Variants in SUGCT observed in about 807,000 individuals in gnomAD.
SUGCT encodes the protein succinyl-CoA:glutarate-CoA transferase.
In SUGCT, 41 loss-of-function variants were observed where a neutral mutation model predicts 55.0. That is an observed-to-expected ratio of 0.74 (90% CI 0.58 to 0.97). The LOEUF (loss-of-function observed/expected upper bound fraction) is 0.97. Among genes scored for constraint, SUGCT ranks in the 50% least tolerant of loss-of-function variants. SUGCT has a pLI of 0.00. For synonymous variants in SUGCT, 187 were observed against 200.4 expected, an observed-to-expected ratio of 0.93 and a Z score of 0.56; for missense variants, 568 against 547.8, an observed-to-expected ratio of 1.04 and a Z score of -0.37.
intron 12 of SUGCT, among the ~76,000 whole-genome samples, chr7:40,518,815 G>C (rs1379402129): frequency 6.6e-6 from 1 of 151,862 alleles, no homozygotes; most frequent in African/African-American, 2.4e-5. Flanking sequence ...AATGGCCAAA[G>C]TTAGATCAAA....
intron 1 of SUGCT, among the ~76,000 whole-genome samples, chr7:40,143,687 G>T (rs1180562991): frequency 6.6e-6 from 1 of 152,180 alleles, no homozygotes; most frequent in African/African-American, 2.4e-5. Context: ...TTGTATGATA[G>T]CTATCTTGGT....
At chr7:40,402,718 C>T (rs1265054221) in intron 9 of SUGCT, among the ~76,000 whole-genome samples, 6 of 152,096 alleles carry the variant, frequency 3.9e-5, no homozygotes, top group Non-Finnish European at 5.9e-5. Flanking sequence ...TTCTGGAAAT[C>T]AAATGTCTGT....
At chr7:40,889,573 T>C in the SUGCT span, among the ~76,000 whole-genome samples, 1 of 152,148 alleles carries the variant, frequency 6.6e-6, no homozygotes, top group Non-Finnish European at 1.5e-5. Flanking sequence ...ATTCACTACC[T>C]TGAGGGCTTG....
At chr7:40,677,154 A>G (rs1215231028) in intron 12 of SUGCT, among the ~76,000 whole-genome samples, 1 of 152,152 alleles carries the variant, frequency 6.6e-6, no homozygotes. Context: ...ACCACTGCAT[A>G]ATAAAGGTAA....
chr7:40,166,701 A>T (rs938874100), intron 1 of SUGCT, among the ~76,000 whole-genome samples: 1 of 152,126 alleles, frequency 6.6e-6, no homozygotes, highest in Admixed American at 6.6e-5. Flanking sequence ...AGCCTAGCCT[A>T]CATGATGAAA....
chr7:40,493,260 G>T (rs1791791939), intron 11 of SUGCT, among the ~76,000 whole-genome samples: 1 of 152,156 alleles, frequency 6.6e-6, no homozygotes, highest in Non-Finnish European at 1.5e-5. Context: ...TTGGTCAAAT[G>T]AGGATAATAC....
intron 13 of SUGCT, among the ~76,000 whole-genome samples, chr7:40,816,185 C>A (rs1344938839): frequency 1.3e-5 from 2 of 152,222 alleles, no homozygotes; most frequent in East Asian, 3.9e-4. Flanking sequence ...GAGGCCCCTA[C>A]CCCACTCCAA....
At chr7:40,502,331 A>C (rs1480852312) in intron 12 of SUGCT, among the ~76,000 whole-genome samples, 1 of 152,046 alleles carries the variant, frequency 6.6e-6, no homozygotes, top group Non-Finnish European at 1.5e-5. Flanking sequence ...AAGAAAACTG[A>C]ATTATACTAT....
At chr7:40,900,197 T>G in the SUGCT span, among the ~76,000 whole-genome samples, 1 of 152,254 alleles carries the variant, frequency 6.6e-6, no homozygotes, top group African/African-American at 2.4e-5. Flanking sequence ...TTTCAAATCA[T>G]CTTGTCATTC....
the SUGCT span, among the ~76,000 whole-genome samples, chr7:40,884,914 C>T: frequency 6.6e-6 from 1 of 152,152 alleles, no homozygotes; most frequent in Non-Finnish European, 1.5e-5. Flanking sequence ...AGAGCAGAGC[C>T]TTGGTGTCAG....
chr7:40,523,674 GC>G (rs931725238), intron 12 of SUGCT, among the ~76,000 whole-genome samples: 2 of 152,026 alleles, frequency 1.3e-5, no homozygotes, highest in African/African-American at 4.8e-5. Context: ...TCTAAAAACT[GC>G]CCACATTCCT....
rs554352834 is a variant in SUGCT at position 40,365,012 on chromosome 7, A to G, written c.816+48157A>G. Among the ~76,000 whole-genome samples the G allele has an allele frequency of 2.4e-3, 362 of 152,304 alleles. 5 individuals carry two copies. The highest frequency in any genetic ancestry group is 8.3e-3 in the African/African-American group (343 of 41,548). ...GATGAACATTGATGCAAAAATGCTC[A>G]ATAAAATACTGGCAAACCGAATCCA... On this transcript the variant is annotated intron_variant, in intron 9 of 13. Coordinates refer to ENST00000335693, the MANE Select transcript of SUGCT (RefSeq NM_001193313.2).
At chr7:40,575,891 C>T (rs1047924312) in intron 12 of SUGCT, among the ~76,000 whole-genome samples, 20 of 151,072 alleles carry the variant, frequency 1.3e-4, no homozygotes, top group African/African-American at 4.1e-4. Flanking sequence ...TTGCAGTGAG[C>T]CGAGATTGTG....
chr7:40,901,178 C>T, the SUGCT span, among the ~76,000 whole-genome samples: 2 of 152,170 alleles, frequency 1.3e-5, no homozygotes, highest in African/African-American at 4.8e-5. Context: ...CTCAGCAGAA[C>T]TTGGTTACAA....
intron 13 of SUGCT, among the ~76,000 whole-genome samples, chr7:40,828,901 G>C (rs572757497): frequency 1.3e-5 from 2 of 152,156 alleles, no homozygotes; most frequent in African/African-American, 2.4e-5. Flanking sequence ...TGACTTTAGC[G>C]GTTTGGGGGC....
intron 8 of SUGCT, 142 bp downstream of exon 8, chr7:40,274,798 T>A: frequency 1.2e-6 from 1 of 825,432 alleles, no homozygotes; most frequent in South Asian, 1.8e-5. Context: ...CATTTTGATG[T>A]ACTTGTTTCT....
intron 13 of SUGCT, among the ~76,000 whole-genome samples, chr7:40,857,104 G>A (rs939098308): frequency 7.9e-5 from 12 of 152,076 alleles, no homozygotes; most frequent in Admixed American, 3.3e-4. Flanking sequence ...AAAAACAGAT[G>A]GGAACATAGA....
intron 12 of SUGCT, among the ~76,000 whole-genome samples, chr7:40,499,795 A>G (rs1034164546): frequency 7.2e-5 from 11 of 152,332 alleles, no homozygotes; most frequent in African/African-American, 1.2e-4. Flanking sequence ...TTCTTAAAAT[A>G]TCTTCTTTTA....
chr7:40,533,742 A>G (rs1794212590), intron 12 of SUGCT, among the ~76,000 whole-genome samples: 1 of 152,160 alleles, frequency 6.6e-6, no homozygotes, highest in African/African-American at 2.4e-5. Context: ...AACTTTCTAA[A>G]ACATCTAGTG....
Sources: allele counts gnomAD v4.1 joint callset (sites outside exome capture counted in the v4.1 genomes callset), GRCh38; gene constraint gnomAD v4.1.1; transcripts MANE v1.5; gene names NCBI Gene and HGNC (gene_info 2026-07-23, HGNC 2026-07-21).